The following DCDC1 variants were observed in gnomAD, a reference collection of about 807,000 sequenced individuals.
The protein encoded by DCDC1 is doublecortin domain-containing protein 1.
Under a neutral mutation model 178.3 loss-of-function variants are expected in DCDC1, and 200 were observed. The observed-to-expected ratio is 1.12, with a 90% CI of 1.00 to 1.26. DCDC1 has a LOEUF of 1.26. Among genes scored for constraint, DCDC1 ranks in the 50% most tolerant of loss-of-function variants. The pLI, the probability that DCDC1 is intolerant of heterozygous loss-of-function variation, is 0.00. For missense variants in DCDC1, 1,983 were observed against 1,749.2 expected, an observed-to-expected ratio of 1.13 and a Z score of -2.38; for synonymous variants, 690 against 604.8, an observed-to-expected ratio of 1.14 and a Z score of -2.07.
intron 20 of DCDC1, among the ~76,000 whole-genome samples, chr11:31,013,295 T>G (rs1196339057): frequency 6.6e-6 from 1 of 152,208 alleles, no homozygotes; most frequent in South Asian, 2.1e-4. Context: ...TATTTAATAT[T>G]CATAATAAAG....
chr11:30,893,033 G>A lies in DCDC1; in HGVS notation c.4903-36C>T, dbSNP rs1464354436. ...AAGCCCAGAGAATGTTGTGTTTAGAGAACTGTCTGGATAGTGTTTGTGAAG... is the reference window on the plus strand; with the variant it reads ...AAGCCCAGAGAATGTTGTGTTTAGAAAACTGTCTGGATAGTGTTTGTGAAG... On this transcript the variant is annotated intron_variant, in intron 35 of 38. Coordinates refer to ENST00000684477, the MANE Select transcript of DCDC1 (RefSeq NM_001387274.1). 4 of 1,607,184 alleles carry A rather than the reference G, an allele frequency of 2.5e-6. No homozygotes were observed. In the South Asian group the frequency reaches 3.3e-5, roughly 13 times the overall value.
chr11:30,869,253 G>T (rs1330056099), intron 38 of DCDC1, among the ~76,000 whole-genome samples: 1 of 152,222 alleles, frequency 6.6e-6, no homozygotes, highest in East Asian at 1.9e-4. Flanking sequence ...CTTATCAACA[G>T]GTGCAGATTT....
intron 20 of DCDC1, among the ~76,000 whole-genome samples, chr11:31,015,404 G>A (rs554956347): frequency 1.5e-4 from 23 of 152,088 alleles, no homozygotes; most frequent in South Asian, 6.2e-4. Flanking sequence ...GAAATGCTTC[G>A]TTTTTCCTTT....
chr11:31,007,662 C>CTT (rs71955537), intron 20 of DCDC1, among the ~76,000 whole-genome samples: 2 of 150,654 alleles, frequency 1.3e-5, no homozygotes, highest in South Asian at 4.2e-4. Flanking sequence ...AGAAAATAGG[C>CTT]TTTTTTTTTC....
chr11:31,069,098 A>T (rs1457222665), intron 18 of DCDC1, among the ~76,000 whole-genome samples: 1 of 151,734 alleles, frequency 6.6e-6, no homozygotes, highest in East Asian at 1.9e-4. Flanking sequence ...TGATCTGCCC[A>T]CCTCGGCCTC....
At chr11:30,889,452 C>T (rs988134029) in intron 36 of DCDC1, among the ~76,000 whole-genome samples, 4 of 152,130 alleles carry the variant, frequency 2.6e-5, no homozygotes, top group Admixed American at 6.5e-5. Context: ...TGATCTGTTT[C>T]TCATTCTTCC....
chr11:31,221,043 TGGGGTAA>T (rs1464233889), intron 9 of DCDC1, among the ~76,000 whole-genome samples: 1 of 152,134 alleles, frequency 6.6e-6, no homozygotes, highest in African/African-American at 2.4e-5. Flanking sequence ...TAGTGGCATT[TGGGGTAA>T]GGGCTTCAAT....
At chr11:31,246,463 T>A (rs142903258) in intron 8 of DCDC1, among the ~76,000 whole-genome samples, 3 of 151,782 alleles carry the variant, frequency 2.0e-5, no homozygotes, top group African/African-American at 7.3e-5. Flanking sequence ...ACCTATTCAA[T>A]TGGCTTTTTT....
At chr11:31,087,502 C>A (rs1311975537) in intron 17 of DCDC1, among the ~76,000 whole-genome samples, 1 of 151,960 alleles carries the variant, frequency 6.6e-6, no homozygotes, top group African/African-American at 2.4e-5. Flanking sequence ...CTCTGAAAAC[C>A]TCGGCAGTGT....
At chr11:30,940,431 C>T (rs1410140314) in intron 21 of DCDC1, among the ~76,000 whole-genome samples, 3 of 152,082 alleles carry the variant, frequency 2.0e-5, no homozygotes, top group Admixed American at 2.0e-4. Flanking sequence ...GTGTTTCTTT[C>T]CTGCTATATA....
At chr11:31,168,168 C>T (rs1370904081) in intron 9 of DCDC1, among the ~76,000 whole-genome samples, 2 of 152,156 alleles carry the variant, frequency 1.3e-5, no homozygotes, top group Non-Finnish European at 2.9e-5. Flanking sequence ...TTGATGTACC[C>T]ACTCTCTACC....
chr11:31,026,128 G>C (rs908711467), intron 20 of DCDC1, among the ~76,000 whole-genome samples: 2 of 151,766 alleles, frequency 1.3e-5, no homozygotes, highest in Non-Finnish European at 3.0e-5. Flanking sequence ...TTGGGAATTT[G>C]TATCTGTATT....
At chr11:30,917,568 A>G (rs957962524) in intron 25 of DCDC1, among the ~76,000 whole-genome samples, 5 of 152,230 alleles carry the variant, frequency 3.3e-5, no homozygotes, top group Admixed American at 6.5e-5. Context: ...TATACTAAAC[A>G]GAGTAAATAG....
chr11:30,972,154 C>A (rs1949836949), intron 20 of DCDC1, among the ~76,000 whole-genome samples: 1 of 152,024 alleles, frequency 6.6e-6, no homozygotes, highest in South Asian at 2.1e-4. Context: ...AGATGCAATT[C>A]AAAAAAGTCT....
chr11:31,167,895 C>A (rs1490998204), intron 9 of DCDC1, among the ~76,000 whole-genome samples: 1 of 152,154 alleles, frequency 6.6e-6, no homozygotes, highest in African/African-American at 2.4e-5. Flanking sequence ...TGTCAACCCA[C>A]CATCACTCAT....
At chr11:31,016,534 G>T (rs1344106668) in intron 20 of DCDC1, among the ~76,000 whole-genome samples, 1 of 152,210 alleles carries the variant, frequency 6.6e-6, no homozygotes, top group Non-Finnish European at 1.5e-5. Context: ...TGTATTAACT[G>T]ACTACATGAC....
intron 20 of DCDC1, among the ~76,000 whole-genome samples, chr11:31,003,757 C>G (rs1951695864): frequency 6.6e-6 from 1 of 152,088 alleles, no homozygotes; most frequent in African/African-American, 2.4e-5. Flanking sequence ...CATTATAGCC[C>G]AGGTTAAGCA....
At chr11:31,323,218 C>G (rs966416391) in intron 3 of DCDC1, among the ~76,000 whole-genome samples, 3 of 152,086 alleles carry the variant, frequency 2.0e-5, no homozygotes, top group African/African-American at 7.2e-5. Flanking sequence ...AAGCAGGAAA[C>G]GCGGCTACTT....
At chr11:31,328,519 C>A (rs2133086214) in intron 2 of DCDC1, among the ~76,000 whole-genome samples, 1 of 152,162 alleles carries the variant, frequency 6.6e-6, no homozygotes, top group East Asian at 1.9e-4. Flanking sequence ...AAAAAATGGG[C>A]CGGGTTCAGT....
Sources: gnomAD v4.1 joint callset for allele counts (sites outside exome capture counted in the v4.1 genomes callset) on GRCh38, gnomAD v4.1.1 for gene constraint, MANE v1.5 for transcripts, NCBI Gene and HGNC (gene_info 2026-07-23, HGNC 2026-07-21) for gene names.